CLSPN: variants seen among roughly 807,000 people sequenced by gnomAD.
CLSPN encodes the protein claspin homolog.
A neutral mutation model predicts 156.3 loss-of-function variants in CLSPN; 85 were observed. The ratio of observed to expected loss-of-function variants is 0.54; its 90% confidence interval spans 0.46 to 0.65. The LOEUF (loss-of-function observed/expected upper bound fraction) is 0.65, where lower values mean the gene tolerates loss of function less well. Among genes scored for constraint, CLSPN ranks in the 30% least tolerant of loss-of-function variants. CLSPN has a pLI of 0.00. For missense variants in CLSPN, 1,407 were observed against 1,554.9 expected, an observed-to-expected ratio of 0.90 and a Z score of 1.60; for synonymous variants, 534 against 542.4, an observed-to-expected ratio of 0.98 and a Z score of 0.22.
chr1:35,745,004 G>A (rs1351817875), intron 16 of CLSPN, among the ~76,000 whole-genome samples: 1 of 152,056 alleles, frequency 6.6e-6, no homozygotes, highest in East Asian at 1.9e-4. Context: ...GTAGAGACGG[G>A]GTTTCACCAT....
Position 35,733,506 on chromosome 1 carries a change from T to C in CLSPN, c.*2990A>G. 1.0e-6 allele frequency: 1 copy of C among 985,328 alleles called. No individual in the cohort carries two copies. The highest frequency in any genetic ancestry group is 1.2e-6 in the Non-Finnish European group (1 of 829,904). The allele number at this position is 985,328 out of a possible 1,614,324, so 61.0% of individuals were successfully genotyped here. ...CTTTTCTATCTCTCCTCAAAAGACATGTAGGGAAACAAGAGGGAAGAAATA... is the reference window on the plus strand; with the variant it reads ...CTTTTCTATCTCTCCTCAAAAGACACGTAGGGAAACAAGAGGGAAGAAATA... On this transcript the variant is annotated 3_prime_UTR_variant, in exon 25 of 25. Coordinates refer to ENST00000318121, the MANE Select transcript of CLSPN (RefSeq NM_022111.4).
intron 18 of CLSPN, among the ~76,000 whole-genome samples, chr1:35,741,693 G>A (rs934675323): frequency 5.9e-5 from 9 of 152,014 alleles, no homozygotes; most frequent in Non-Finnish European, 1.5e-5. Context: ...GAGTTGGGCC[G>A]GCCAGGTGGG....
At position 35,733,079 on chromosome 1, in the gene CLSPN, C is replaced by T; in HGVS notation, c.*3417G>A. ...TCCCAGGTTCAAGCAATTCTCTTGTCTCAGCCTCCCAAGTAGCTGGGACTA... is the reference window on the plus strand; with the variant it reads ...TCCCAGGTTCAAGCAATTCTCTTGTTTCAGCCTCCCAAGTAGCTGGGACTA... On this transcript the variant is annotated 3_prime_UTR_variant, in exon 25 of 25. Transcript: ENST00000318121. The T allele has an allele frequency of 4.7e-6, 2 of 428,304 alleles. No homozygotes were observed. The highest frequency in any genetic ancestry group is 9.8e-5 in the South Asian group (1 of 10,234). 26.5% of individuals were successfully genotyped at this position (428,304 alleles called of 1,614,324 possible). A position where few individuals can be genotyped will look rare whatever the true frequency, so the allele number is the denominator to read the frequency against.
intron 8 of CLSPN, among the ~76,000 whole-genome samples, chr1:35,755,146 T>G (rs1325880033): frequency 1.3e-5 from 2 of 152,192 alleles, no homozygotes; most frequent in Admixed American, 1.3e-4. Flanking sequence ...CAGGCTGGAG[T>G]GCAGTGGTGC....
chr1:35,739,336 TAC>T (rs546955649), intron 19 of CLSPN, 27 bp downstream of exon 19: 423 of 1,613,772 alleles, frequency 2.6e-4, no homozygotes, highest in Non-Finnish European at 3.3e-4. Flanking sequence ...TGTACCCTAT[TAC>T]TCAGAAGGGC....
chr1:35,751,109 G>A (rs1642067659), intron 10 of CLSPN, 141 bp downstream of exon 10: 1 of 962,972 alleles, frequency 1.0e-6, no homozygotes, highest in Non-Finnish European at 1.6e-6. Context: ...TAAGATTTAG[G>A]GATATATGAG....
At chr1:35,727,925 C>CTG (rs1641230151), downstream of CLSPN, among the ~76,000 whole-genome samples, 1 of 152,148 alleles carries the variant, frequency 6.6e-6, no homozygotes, top group Non-Finnish European at 1.5e-5. Flanking sequence ...TGGCTGTCTT[C>CTG]TGTGTGTGTG....
intron 1 of CLSPN, among the ~76,000 whole-genome samples, chr1:35,766,942 T>G (rs1457415876): frequency 1.3e-5 from 2 of 151,572 alleles, no homozygotes; most frequent in African/African-American, 2.4e-5. Flanking sequence ...AAACGGGGTT[T>G]CACAATGTTA....
chr1:35,767,926 G>C (rs1187949783), intron 1 of CLSPN, among the ~76,000 whole-genome samples: 6 of 152,154 alleles, frequency 3.9e-5, no homozygotes, highest in Non-Finnish European at 8.8e-5. Flanking sequence ...TAGGTGACTT[G>C]ATCAGTTAGT....
downstream of CLSPN, among the ~76,000 whole-genome samples, chr1:35,728,803 T>C (rs1405077516): frequency 6.6e-6 from 1 of 152,086 alleles, no homozygotes; most frequent in African/African-American, 2.4e-5. Context: ...AATTTTCTCA[T>C]TTAGATTCTA....
intron 10 of CLSPN, 66 bp from the exon 11 acceptor site, chr1:35,749,877 G>A: frequency 6.5e-7 from 1 of 1,538,354 alleles, no homozygotes; most frequent in Non-Finnish European, 8.7e-7. Context: ...AAATACACTG[G>A]TAGCCTGAAA....
rs1379986634 is a variant in CLSPN at position 35,735,289 on chromosome 1, C to T, written c.*1207G>A. On this transcript the variant is annotated 3_prime_UTR_variant, in exon 25 of 25. Coordinates refer to ENST00000318121, the MANE Select transcript of CLSPN (RefSeq NM_022111.4). ...TTCTGACTTGGGTACCAGTTTAAGT[C>T]CTTATTAAGCAGCAAAAATTAATTC... The T allele has an allele frequency of 4.1e-6, 4 of 985,250 alleles. No homozygotes were observed. The highest frequency in any genetic ancestry group is 1.7e-5 in the African/African-American group (1 of 57,210). The allele number at this position is 985,250 out of a possible 1,614,324, so 61.0% of individuals were successfully genotyped here.
chr1:35,767,679 G>T (rs1245033051), intron 1 of CLSPN, among the ~76,000 whole-genome samples: 2 of 152,136 alleles, frequency 1.3e-5, no homozygotes, highest in Non-Finnish European at 2.9e-5. Flanking sequence ...GTTTAGACTT[G>T]GGTCCCTCCC....
chr1:35,737,232 C>T, intron 23 of CLSPN, 107 bp downstream of exon 23: 3 of 1,271,012 alleles, frequency 2.4e-6, no homozygotes, highest in Middle Eastern at 1.9e-4. Context: ...TAACTTTTTC[C>T]CTGCAGCCAC....
In CLSPN at chr1:35,748,010, G is replaced by C; in HGVS notation, c.2524C>G (p.Leu842Val). Residue 842 changes from leucine (L) to valine (V), a missense_variant, in exon 14 of 25, where the codon CTG becomes GTG. Around this residue, in one of 3 missense-constraint regions of CLSPN, gnomAD observed 1,096 missense variants for 1,193.0 expected, o/e 0.92. Coordinates refer to ENST00000318121, the MANE Select transcript of CLSPN (RefSeq NM_022111.4). ...PSLPIEDSQD[L>V]YNASPEPKTL... ...TTAGGCTCTGGGGAGGCGTTATACA[G>C]ATCCTGGGAATCCTCTATGGGAAGT... The C allele has an allele frequency of 6.2e-7, 1 of 1,614,204 alleles. No individual in the cohort carries two copies. Among genetic ancestry groups the C allele is most frequent in the East Asian group, 2.2e-5 (1 of 44,888 alleles).
chr1:35,743,991 T>C (rs1641786965), intron 16 of CLSPN, among the ~76,000 whole-genome samples: 1 of 152,244 alleles, frequency 6.6e-6, no homozygotes, highest in Non-Finnish European at 1.5e-5. Context: ...AAATTTTCAA[T>C]TGTGGTAAAA....
intron 12 of CLSPN, among the ~76,000 whole-genome samples, chr1:35,749,000 T>C (rs564159911): frequency 4.8e-4 from 73 of 152,062 alleles, no homozygotes; most frequent in African/African-American, 1.7e-3. Flanking sequence ...TAATTTTTTA[T>C]ATTTTTAGTA....
chr1:35,731,696 T>C (rs6425954), downstream of CLSPN, among the ~76,000 whole-genome samples: 101,342 of 151,914 alleles, frequency 0.67, 38,455 homozygotes, highest in Non-Finnish European at 0.87. Context: ...AATTTGGAAG[T>C]AGAAATAACA....
intron 1 of CLSPN, among the ~76,000 whole-genome samples, chr1:35,769,553 C>G (rs927103608): frequency 2.0e-5 from 3 of 152,356 alleles, no homozygotes; most frequent in Admixed American, 2.0e-4. Flanking sequence ...AAGGGGAGGG[C>G]TGGCGGCAGG....
Sources: gnomAD v4.1 joint callset for allele counts (sites outside exome capture counted in the v4.1 genomes callset) on GRCh38, gnomAD v4.1.1 for gene constraint, gnomAD v4.1.1 regional missense constraint, MANE v1.5 for transcripts, NCBI Gene and HGNC (gene_info 2026-07-23, HGNC 2026-07-21) for gene names.